Variants in FHIT observed in about 807,000 individuals in gnomAD.
The protein encoded by FHIT is fragile histidine triad diadenosine triphosphatase.
Under a neutral mutation model 17.9 loss-of-function variants are expected in FHIT, and 19 were observed. The ratio of observed to expected loss-of-function variants is 1.06; its 90% CI spans 0.74 to 1.56. The LOEUF (loss-of-function observed/expected upper bound fraction) is 1.56, where lower values mean the gene tolerates loss of function less well. FHIT is among the 40% of genes most tolerant of loss of function. FHIT has a pLI of 0.00. For synonymous variants in FHIT, 81 were observed against 69.7 expected (o/e 1.16, Z -0.81); for missense variants, 248 against 189.2 (o/e 1.31, Z -1.82).
chr3:60,230,673 C>T (rs540500772), intron 5 of FHIT, among the ~76,000 whole-genome samples: 3 of 152,192 alleles, frequency 2.0e-5, no homozygotes, highest in South Asian at 2.1e-4. Context: ...GAGTAGAATG[C>T]CTTTTTGTCC....
chr3:60,216,209 A>G (rs1458743481), intron 5 of FHIT, among the ~76,000 whole-genome samples: 1 of 152,218 alleles, frequency 6.6e-6, no homozygotes, highest in African/African-American at 2.4e-5. Context: ...ATACATTTCA[A>G]AAACAGAGAA....
At chr3:60,485,580 C>G (rs2033802181) in intron 5 of FHIT, among the ~76,000 whole-genome samples, 1 of 151,912 alleles carries the variant, frequency 6.6e-6, no homozygotes, top group South Asian at 2.1e-4. Context: ...CATGTTCTCA[C>G]TCATAAGTGG....
intron 5 of FHIT, among the ~76,000 whole-genome samples, chr3:60,100,277 G>A (rs1042773012): frequency 2.6e-5 from 4 of 152,010 alleles, no homozygotes; most frequent in African/African-American, 4.8e-5. Context: ...CCAGCTACTC[G>A]GGAGGCTGAG....
intron 8 of FHIT, among the ~76,000 whole-genome samples, chr3:59,818,984 G>A (rs1318971446): frequency 6.6e-6 from 1 of 152,196 alleles, no homozygotes; most frequent in Non-Finnish European, 1.5e-5. Flanking sequence ...GCAATGCAGA[G>A]AAGAGAGATA....
chr3:59,808,890 C>T (rs546237161), intron 8 of FHIT, among the ~76,000 whole-genome samples: 9 of 152,056 alleles, frequency 5.9e-5, no homozygotes, highest in Non-Finnish European at 1.0e-4. Context: ...AAAAACTCTC[C>T]GACAGAAGCC....
At chr3:60,735,061 T>C (rs1191285131) in intron 4 of FHIT, among the ~76,000 whole-genome samples, 1 of 152,222 alleles carries the variant, frequency 6.6e-6, no homozygotes, top group Admixed American at 6.5e-5. Context: ...AGAAACCTTA[T>C]TTGCATTTAT....
intron 3 of FHIT, among the ~76,000 whole-genome samples, chr3:61,016,500 A>G (rs1380952023): frequency 1.3e-5 from 2 of 152,244 alleles, no homozygotes; most frequent in African/African-American, 4.8e-5. Flanking sequence ...TGTTTAAACA[A>G]AAATAAATTT....
chr3:60,863,530 C>T (rs1704018006), intron 3 of FHIT, among the ~76,000 whole-genome samples: 1 of 152,120 alleles, frequency 6.6e-6, no homozygotes, highest in African/African-American at 2.4e-5. Context: ...TAAAGTATGC[C>T]TTATCACCTT....
chr3:60,621,856 G>T (rs2039139807), intron 4 of FHIT, among the ~76,000 whole-genome samples: 1 of 133,240 alleles, frequency 7.5e-6, no homozygotes, highest in Admixed American at 8.2e-5. Context: ...CTGGGTGACA[G>T]AGTGAGACAC....
At chr3:60,233,098 T>C (rs1270590093) in intron 5 of FHIT, among the ~76,000 whole-genome samples, 1 of 152,176 alleles carries the variant, frequency 6.6e-6, no homozygotes, top group Admixed American at 6.5e-5. Context: ...CTGATAATTA[T>C]TGAAACTCGG....
chr3:60,007,765 T>C (rs1394644438), intron 7 of FHIT, among the ~76,000 whole-genome samples: 5 of 152,126 alleles, frequency 3.3e-5, no homozygotes, highest in Admixed American at 1.3e-4. Flanking sequence ...GGTAATAAAT[T>C]GGGGAAAACT....
At chr3:61,123,283 TAAGTGG>T (rs1226051955) in intron 2 of FHIT, among the ~76,000 whole-genome samples, 2 of 152,078 alleles carry the variant, frequency 1.3e-5, no homozygotes, top group Non-Finnish European at 2.9e-5. Context: ...TTTTCACTCA[TAAGTGG>T]GAATTGAACA....
chr3:59,829,850 GC>G (rs1701105721), intron 8 of FHIT, among the ~76,000 whole-genome samples: 1 of 151,976 alleles, frequency 6.6e-6, no homozygotes, highest in South Asian at 2.1e-4. Context: ...AAGAAAATTG[GC>G]CCTAGAGAGC....
intron 3 of FHIT, among the ~76,000 whole-genome samples, chr3:61,023,332 G>C (rs1030399098): frequency 6.6e-6 from 1 of 151,964 alleles, no homozygotes; most frequent in Non-Finnish European, 1.5e-5. Flanking sequence ...CACTGCTCAA[G>C]GAAATAAGAG....
At chr3:60,555,304 C>T (rs572883133) in intron 4 of FHIT, among the ~76,000 whole-genome samples, 1 of 152,242 alleles carries the variant, frequency 6.6e-6, no homozygotes, top group South Asian at 2.1e-4. Flanking sequence ...GCCAGTATGG[C>T]CAGACTTTAC....
At chr3:60,958,040 T>G (rs1390324492) in intron 3 of FHIT, among the ~76,000 whole-genome samples, 2 of 152,220 alleles carry the variant, frequency 1.3e-5, no homozygotes, top group East Asian at 3.8e-4. Context: ...CACTTAAAAA[T>G]TTTCAACAAA....
chr3:60,727,653 A>G (rs781891024), intron 4 of FHIT, among the ~76,000 whole-genome samples: 2 of 152,248 alleles, frequency 1.3e-5, no homozygotes, highest in African/African-American at 4.8e-5. Flanking sequence ...TATTATCCAA[A>G]TGTATTTTAT....
intron 7 of FHIT, among the ~76,000 whole-genome samples, chr3:60,004,660 G>A (rs528831280): frequency 6.6e-5 from 10 of 152,250 alleles, no homozygotes; most frequent in African/African-American, 2.4e-4. Flanking sequence ...GGAACAGCCT[G>A]GTCATATGAT....
chr3:60,432,344 C>T, intron 5 of FHIT, among the ~76,000 whole-genome samples: 1 of 152,064 alleles, frequency 6.6e-6, no homozygotes, highest in South Asian at 2.1e-4. Flanking sequence ...CAACATTCAA[C>T]ATCCAATAAA....
Sources: allele counts gnomAD v4.1 joint callset (sites outside exome capture counted in the v4.1 genomes callset), GRCh38; gene constraint gnomAD v4.1.1; transcripts MANE v1.5; gene names NCBI Gene and HGNC (gene_info 2026-07-23, HGNC 2026-07-21).